The following EGFLAM variants were observed in gnomAD, a reference collection of about 807,000 sequenced individuals.
EGFLAM encodes pikachurin.
EGFLAM carries 79 observed loss-of-function variants against 113.1 expected under a neutral mutation model. The ratio of observed to expected loss-of-function variants is 0.70; its 90% CI spans 0.58 to 0.84. The LOEUF (loss-of-function observed/expected upper bound fraction) is 0.84. Among genes scored for constraint, EGFLAM ranks in the 40% least tolerant of loss-of-function variants. The pLI, the probability that EGFLAM is intolerant of heterozygous loss-of-function variation, is 0.00. For synonymous variants in EGFLAM, 504 were observed against 487.6 expected, an observed-to-expected ratio of 1.03 and a Z score of -0.44; for missense variants, 1,265 against 1,291.6, an observed-to-expected ratio of 0.98 and a Z score of 0.32.
chr5:38,398,552 T>C (rs1268986547), intron 6 of EGFLAM, among the ~76,000 whole-genome samples: 1 of 152,108 alleles, frequency 6.6e-6, no homozygotes, highest in African/African-American at 2.4e-5. Flanking sequence ...GGTAAAGGGA[T>C]GGGCAGTGAG....
At chr5:38,288,808 A>G (rs1758233860) in intron 1 of EGFLAM, among the ~76,000 whole-genome samples, 2 of 152,220 alleles carry the variant, frequency 1.3e-5, no homozygotes, top group Non-Finnish European at 2.9e-5. Flanking sequence ...TTGTTGAGCA[A>G]CTGCTTCTCT....
intron 1 of EGFLAM, among the ~76,000 whole-genome samples, chr5:38,305,819 C>T (rs1327073173): frequency 6.6e-6 from 1 of 152,168 alleles, no homozygotes; most frequent in Non-Finnish European, 1.5e-5. Flanking sequence ...GCTGTGACCC[C>T]AGAAATGTTC....
chr5:38,434,966 G>C (rs1742297191), intron 15 of EGFLAM, among the ~76,000 whole-genome samples, 171 bp from the exon 16 acceptor site: 1 of 152,214 alleles, frequency 6.6e-6, no homozygotes. Flanking sequence ...AGGTGGTAAG[G>C]AGCAATGAGA....
chr5:38,370,224 C>T, intron 5 of EGFLAM, 72 bp from the exon 6 acceptor site: 1 of 1,497,108 alleles, frequency 6.7e-7, no homozygotes, highest in East Asian at 2.3e-5. Context: ...TATTAGTTTA[C>T]ATAGCCAGCT....
chr5:38,445,776 C>T, intron 17 of EGFLAM: 1 of 1,503,082 alleles, frequency 6.7e-7, no homozygotes, highest in Non-Finnish European at 9.1e-7. Flanking sequence ...TGCAGGGGGA[C>T]CCGGGGTGAG....
intron 15 of EGFLAM, among the ~76,000 whole-genome samples, chr5:38,433,952 G>A (rs1182146594): frequency 6.6e-6 from 1 of 152,128 alleles, no homozygotes; most frequent in East Asian, 1.9e-4. Context: ...CAGCCATGGG[G>A]GCACTCCCTA....
At chr5:38,317,832 C>T (rs990189546) in intron 1 of EGFLAM, among the ~76,000 whole-genome samples, 2 of 152,190 alleles carry the variant, frequency 1.3e-5, no homozygotes, top group Non-Finnish European at 2.9e-5. Context: ...AGGCCAGATT[C>T]TGGCCCAGTA....
intron 3 of EGFLAM, chr5:38,346,356 A>G (rs1176508774): frequency 6.6e-6 from 1 of 152,306 alleles, no homozygotes. Flanking sequence ...GTACTGGCCA[A>G]TTAGAACTTG....
intron 1 of EGFLAM, among the ~76,000 whole-genome samples, chr5:38,287,610 G>C (rs1459559632): frequency 6.6e-6 from 1 of 152,208 alleles, no homozygotes; most frequent in Non-Finnish European, 1.5e-5. Context: ...GGCCTCTAGT[G>C]ATCTGCCCAC....
In EGFLAM at chr5:38,347,837, C is replaced by T. The variant is rs376561683; in HGVS notation, c.292-2664C>T. Among the ~76,000 whole-genome samples, 6 of 152,208 alleles carry T rather than the reference C, an allele frequency of 3.9e-5. No individual in the cohort carries two copies. The South Asian group carries it at 8.3e-4, about 21-fold the overall frequency. On this transcript the variant is annotated intron_variant, in intron 3 of 21. Transcript: ENST00000322350. ...CACTGTGGAGTCCAGACTGGAGGTA[C>T]AGGCAGTGCAGCATTGGTGGCAGGG...
In EGFLAM at chr5:38,268,931, T is replaced by G. The variant is rs534401017; in HGVS notation, c.97+10080T>G. ...AGGCTCAGTGTCTCACACCTGTAAT[T>G]GGGAGGCTGAGGTGGTGGGTGGATC... is the stretch of plus-strand genomic sequence containing the variant. On this transcript the variant is annotated intron_variant, in intron 1 of 21. Transcript: ENST00000322350. Among the ~76,000 whole-genome samples, 47 of 152,280 alleles carry G rather than the reference T, an allele frequency of 3.1e-4. No individual in the cohort carries two copies. In the South Asian group the frequency reaches 4.8e-3, roughly 15 times the overall value.
chr5:38,449,022 C>G (rs1031503828), intron 18 of EGFLAM, among the ~76,000 whole-genome samples: 9 of 152,230 alleles, frequency 5.9e-5, no homozygotes, highest in South Asian at 4.1e-4. Context: ...AGTCCTCGCT[C>G]TTGGTTTGGA....
chr5:38,317,092 A>G (rs1281877321), intron 1 of EGFLAM, among the ~76,000 whole-genome samples: 1 of 152,218 alleles, frequency 6.6e-6, no homozygotes, highest in East Asian at 1.9e-4. Context: ...CTTCTTGCAC[A>G]CGGATGCAGC....
At chr5:38,463,811 C>A in intron 21 of EGFLAM, 21 bp from the exon 22 acceptor site, 1 of 1,610,484 alleles carries the variant, frequency 6.2e-7, no homozygotes. Flanking sequence ...CTCACCTCAT[C>A]TCCCTCTTGC....
intron 13 of EGFLAM, among the ~76,000 whole-genome samples, chr5:38,426,095 TC>T (rs1186031844): frequency 1.4e-5 from 2 of 142,862 alleles, no homozygotes; most frequent in Non-Finnish European, 3.0e-5. Context: ...AGAGCGAGAC[TC>T]CATCTTGGGA....
intron 1 of EGFLAM, among the ~76,000 whole-genome samples, chr5:38,300,619 C>T (rs553099085): frequency 6.6e-6 from 1 of 152,280 alleles, no homozygotes; most frequent in East Asian, 1.9e-4. Context: ...AAAGTGATCA[C>T]CCACCTTGGC....
At chr5:38,429,318 A>G (rs556008668) in intron 14 of EGFLAM, among the ~76,000 whole-genome samples, 20 of 152,364 alleles carry the variant, frequency 1.3e-4, no homozygotes, top group African/African-American at 4.8e-4. Flanking sequence ...TCTTTATTGC[A>G]TATTGATTTA....
chr5:38,441,697 TTC>T (rs1035990100), intron 17 of EGFLAM, among the ~76,000 whole-genome samples: 2 of 151,742 alleles, frequency 1.3e-5, no homozygotes, highest in Non-Finnish European at 2.9e-5. Flanking sequence ...AAACAGACAA[TTC>T]TCTCTCTTCT....
chr5:38,427,148 C>T lies in EGFLAM; in HGVS notation c.1950C>T (p.Leu650=), dbSNP rs1304841762. 5 of 1,614,162 alleles carry T rather than the reference C, an allele frequency of 3.1e-6. No homozygotes were observed. The highest frequency in any genetic ancestry group is 4.2e-6 in the Non-Finnish European group (5 of 1,180,034). The change falls in exon 14 of 22, where the codon CTC becomes CTT. Residue 650 remains leucine, a synonymous_variant. Coordinates refer to ENST00000322350, the MANE Select transcript of EGFLAM (RefSeq NM_152403.4). ...TFRPDSGDGV[L]LYSYDTGSKD... ...GGCCAGACTCAGGAGATGGTGTCCT[C>T]CTGTACAGCTATGACACAGGCAGCA... is the stretch of plus-strand genomic sequence containing the variant.
Sources: gnomAD v4.1 joint callset for allele counts (sites outside exome capture counted in the v4.1 genomes callset) on GRCh38, gnomAD v4.1.1 for gene constraint, MANE v1.5 for transcripts, NCBI Gene and HGNC (gene_info 2026-07-23, HGNC 2026-07-21) for gene names.